Variants in RP1 observed in about 807,000 individuals in gnomAD.
The protein encoded by RP1 is RP1 axonemal microtubule associated, also known as oxygen-regulated protein 1.
RP1 carries 16 observed loss-of-function variants against 14.8 expected under a neutral mutation model. The ratio of observed to expected loss-of-function variants is 1.08; its 90% CI spans 0.73 to 1.65. The LOEUF (loss-of-function observed/expected upper bound fraction) is 1.65. Among genes scored for constraint, RP1 ranks in the 40% most tolerant of loss-of-function variants. RP1 has a pLI of 0.00. For missense variants in RP1, 2,631 were observed against 2,535.0 expected, an observed-to-expected ratio of 1.04 and a Z score of -0.81; for synonymous variants, 876 against 883.6, an observed-to-expected ratio of 0.99 and a Z score of 0.15.
intron 1 of RP1, among the ~76,000 whole-genome samples, chr8:54,595,798 TA>T (rs1805131135): frequency 1.3e-5 from 2 of 152,260 alleles, no homozygotes; most frequent in East Asian, 1.9e-4. Flanking sequence ...TTACTATCAT[TA>T]TTAATAAAGC....
chr8:54,845,051 C>A (rs1311520802), intron 25 of RP1, among the ~76,000 whole-genome samples: 1 of 152,174 alleles, frequency 6.6e-6, no homozygotes, highest in African/African-American at 2.4e-5. Context: ...GTCTGGGAAG[C>A]GAAATTCTAT....
At chr8:54,677,307 T>C (rs1027838190) in intron 8 of RP1, among the ~76,000 whole-genome samples, 4 of 152,092 alleles carry the variant, frequency 2.6e-5, no homozygotes, top group Non-Finnish European at 5.9e-5. Flanking sequence ...GTGATGCAGA[T>C]GCATGCTAAG....
intron 24 of RP1, among the ~76,000 whole-genome samples, chr8:54,794,687 A>G (rs1239980718): frequency 3.9e-5 from 6 of 152,068 alleles, no homozygotes; most frequent in African/African-American, 1.2e-4. Context: ...TTTGGCTATG[A>G]CACCAGAAGC....
At chr8:54,615,843 TTGTC>T (rs1229732699), upstream of RP1, among the ~76,000 whole-genome samples, 1 of 152,200 alleles carries the variant, frequency 6.6e-6, no homozygotes, top group Non-Finnish European at 1.5e-5. Context: ...GGGTTAAAAG[TTGTC>T]TGGGAGAGAA....
exon 18 of RP1, chr8:54,734,692 G>C (rs1808876151): frequency 6.5e-7 from 1 of 1,535,636 alleles, no homozygotes. Context: ...ATAAGTCTTC[G>C]CAAGGACAGC....
Position 54,796,162 on chromosome 8 carries a change from C to T in RP1, c.3615+12452C>T, listed in dbSNP as rs76999016. On this transcript the variant is annotated intron_variant, in intron 24 of 28. Transcript: ENST00000637698. ...TGGGTTCAGATTTTAGCTTCTTGAC[C>T]ACCTGTGTGTTTGTGGGCAGTTATT... 6.3e-3 allele frequency among the ~76,000 whole-genome samples: 965 copies of T among 152,200 alleles called. 7 individuals carry two copies. The highest frequency in any genetic ancestry group is 0.02 in the Middle Eastern group (6 of 294).
At chr8:54,725,319 G>A (rs1005117660) in intron 16 of RP1, among the ~76,000 whole-genome samples, 2 of 151,506 alleles carry the variant, frequency 1.3e-5, no homozygotes, top group East Asian at 1.9e-4. Flanking sequence ...CTTTATTATC[G>A]ATTTTTAGTG....
At chr8:54,857,053 T>C in exon 27 of RP1, 1 of 1,208,956 alleles carries the variant, frequency 8.3e-7, no homozygotes, top group Non-Finnish European at 1.0e-6. Context: ...ATTAAGGCTG[T>C]ATCTCTCGGA....
Position 54,627,569 on chromosome 8 carries a change from A to G in RP1, c.3687A>G (p.Thr1229=), listed in dbSNP as rs1466228671. The change falls in exon 4 of 4, where the codon ACA becomes ACG. Residue 1229 remains threonine, a synonymous_variant. Transcript: ENST00000220676. ...SVPKCSENER[T]QGISSLDGGC... ...CTAAGTGCAGTGAAAATGAAAGAAC[A>G]CAAGGAATCTCCTCTTTGGATGGAG... 1.2e-6 allele frequency: 2 copies of G among 1,614,080 alleles called. No homozygotes were observed. The highest frequency in any genetic ancestry group is 1.7e-5 in the Admixed American group (1 of 60,012).
intron 6 of RP1, chr8:54,656,224 G>T: frequency 1.3e-6 from 2 of 1,533,090 alleles, no homozygotes; most frequent in Non-Finnish European, 1.7e-6. Context: ...AGGTAGGAAA[G>T]ATTCAACTCC....
chr8:54,728,926 G>A (rs1244204225), intron 17 of RP1, among the ~76,000 whole-genome samples: 1 of 152,014 alleles, frequency 6.6e-6, no homozygotes, highest in Admixed American at 6.6e-5. Flanking sequence ...CTTAGTTATG[G>A]TCCTTCCTGC....
chr8:54,757,895 G>C (rs1809548592), intron 21 of RP1, among the ~76,000 whole-genome samples: 1 of 152,162 alleles, frequency 6.6e-6, no homozygotes, highest in African/African-American at 2.4e-5. Flanking sequence ...TCATCATCTG[G>C]TTTACAGAAC....
At chr8:54,578,866 T>C (rs1423071858) in intron 1 of RP1, among the ~76,000 whole-genome samples, 1 of 152,184 alleles carries the variant, frequency 6.6e-6, no homozygotes, top group East Asian at 1.9e-4. Context: ...TTAAGTTCCT[T>C]AACAAAAGTC....
chr8:54,706,480 C>T, exon 15 of RP1: 1 of 1,535,822 alleles, frequency 6.5e-7, no homozygotes, highest in African/African-American at 1.4e-5. Flanking sequence ...CTGCTTGCTA[C>T]AAGCCTGTGT....
At chr8:54,692,998 G>A (rs1191779586) in intron 12 of RP1, among the ~76,000 whole-genome samples, 2 of 152,092 alleles carry the variant, frequency 1.3e-5, no homozygotes, top group African/African-American at 4.8e-5. Context: ...TTTTGTATAA[G>A]GTGTAAGGAA....
intron 28 of RP1, among the ~76,000 whole-genome samples, chr8:54,866,069 CCTTTATCAGCA>C (rs34898137): frequency 0.045 from 6,920 of 152,210 alleles, 531 homozygotes; most frequent in African/African-American, 0.15. Context: ...AAGAAGCTGT[CCTTTATCAGCA>C]CTAGTAATTC....
At chr8:54,685,093 T>G (rs1229817693) in intron 12 of RP1, among the ~76,000 whole-genome samples, 1 of 152,094 alleles carries the variant, frequency 6.6e-6, no homozygotes, top group South Asian at 2.1e-4. Flanking sequence ...TTTTATTAAT[T>G]TTTTTCAAAA....
intron 1 of RP1, among the ~76,000 whole-genome samples, chr8:54,559,819 G>A (rs1457899212): frequency 6.6e-6 from 1 of 152,120 alleles, no homozygotes; most frequent in South Asian, 2.1e-4. Flanking sequence ...TATGATAAAG[G>A]ATGACTATTA....
At chr8:54,655,461 T>C (rs886901150) in intron 5 of RP1, among the ~76,000 whole-genome samples, 8 of 152,230 alleles carry the variant, frequency 5.3e-5, no homozygotes, top group Non-Finnish European at 7.3e-5. Flanking sequence ...GTATAAATAA[T>C]CAGTGCTTGA....
Sources: allele counts gnomAD v4.1 joint callset (sites outside exome capture counted in the v4.1 genomes callset), GRCh38; gene constraint gnomAD v4.1.1; transcripts MANE v1.5; gene names NCBI Gene and HGNC (gene_info 2026-07-23, HGNC 2026-07-21).